The following CMTM4 variants were observed in gnomAD, a reference collection of about 807,000 sequenced individuals.
The protein encoded by CMTM4 is CKLF like MARVEL transmembrane domain containing 4, also known as CKLF-like MARVEL transmembrane domain-containing protein 4.
CMTM4 carries 8 observed loss-of-function variants against 19.0 expected under a neutral mutation model. The ratio of observed to expected loss-of-function variants is 0.42; its 90% CI spans 0.25 to 0.76. CMTM4 has a LOEUF of 0.76. CMTM4 is among the 30% of genes least tolerant of loss of function. CMTM4 has a pLI of 0.27. For missense variants in CMTM4, 228 were observed against 290.2 expected (o/e 0.79, Z 1.56); for synonymous variants, 106 against 121.1 (o/e 0.88, Z 0.82).
At chr16:66,695,349 G>C (rs575156470) in intron 1 of CMTM4, among the ~76,000 whole-genome samples, 1 of 140,040 alleles carries the variant, frequency 7.1e-6, no homozygotes, top group Non-Finnish European at 1.6e-5. Context: ...TCTCAAAAAA[G>C]AGAGAGAGAG....
intron 1 of CMTM4, among the ~76,000 whole-genome samples, chr16:66,680,737 G>T (rs1435440530): frequency 1.6e-5 from 2 of 124,228 alleles, no homozygotes; most frequent in Admixed American, 1.1e-4. Flanking sequence ...TCGTGCCACT[G>T]CACTCCAGCC....
At chr16:66,638,066 T>C (rs377118466) in intron 1 of CMTM4, among the ~76,000 whole-genome samples, 2 of 152,210 alleles carry the variant, frequency 1.3e-5, no homozygotes, top group Non-Finnish European at 2.9e-5. Flanking sequence ...CACTTGATGA[T>C]GCCGCCACCT....
intron 2 of CMTM4, 148 bp from the exon 3 acceptor site, chr16:66,623,650 C>A: frequency 1.8e-6 from 1 of 551,382 alleles, no homozygotes. Flanking sequence ...GGTTACTGGT[C>A]ACACAAAAGA....
At chr16:66,626,091 C>T (rs1479294734) in intron 2 of CMTM4, among the ~76,000 whole-genome samples, 1 of 152,192 alleles carries the variant, frequency 6.6e-6, no homozygotes. Flanking sequence ...AACTGCAAGA[C>T]CCTCTACAGG....
chr16:66,675,371 G>A (rs923804121), intron 1 of CMTM4, among the ~76,000 whole-genome samples: 8 of 149,964 alleles, frequency 5.3e-5, no homozygotes, highest in South Asian at 2.1e-4. Context: ...TGTGAGCCAC[G>A]CCCAGCCAAC....
At chr16:66,682,407 A>C (rs921920010) in intron 1 of CMTM4, among the ~76,000 whole-genome samples, 5 of 152,056 alleles carry the variant, frequency 3.3e-5, no homozygotes, top group African/African-American at 1.2e-4. Context: ...ACTGGCACAA[A>C]AATCTTTTAG....
chr16:66,676,511 G>T (rs549880156), intron 1 of CMTM4, among the ~76,000 whole-genome samples: 127 of 152,242 alleles, frequency 8.3e-4, no homozygotes, highest in African/African-American at 3.0e-3. Context: ...GTAGCTACAG[G>T]AAAGTCCCAA....
At chr16:66,625,540 T>C (rs1256046098) in intron 2 of CMTM4, among the ~76,000 whole-genome samples, 1 of 151,610 alleles carries the variant, frequency 6.6e-6, no homozygotes. Context: ...TTAACAGTAG[T>C]GAGTGAAGAA....
At chr16:66,656,428 A>G (rs952302137) in intron 1 of CMTM4, among the ~76,000 whole-genome samples, 2 of 152,036 alleles carry the variant, frequency 1.3e-5, no homozygotes, top group African/African-American at 4.8e-5. Context: ...CAGCGGCGTG[A>G]TCTTGGCTCA....
At chr16:66,677,346 C>A (rs2016826868) in intron 1 of CMTM4, among the ~76,000 whole-genome samples, 1 of 152,256 alleles carries the variant, frequency 6.6e-6, no homozygotes, top group Non-Finnish European at 1.5e-5. Context: ...GGCCCTGCCT[C>A]ACCCTGGCCC....
At chr16:66,644,564 A>G (rs1202339737) in intron 1 of CMTM4, among the ~76,000 whole-genome samples, 1 of 152,148 alleles carries the variant, frequency 6.6e-6, no homozygotes, top group Non-Finnish European at 1.5e-5. Context: ...AACAATATTC[A>G]CTATTGTACC....
intron 1 of CMTM4, among the ~76,000 whole-genome samples, chr16:66,692,906 CAA>C (rs200187109): frequency 9.6e-5 from 11 of 114,090 alleles, no homozygotes; most frequent in East Asian, 6.7e-4. Flanking sequence ...GACTCCATCT[CAA>C]AAAAAAAAAA....
chr16:66,604,531 G>A, the CMTM4 span: 1 of 278,194 alleles, frequency 3.6e-6, no homozygotes, highest in Non-Finnish European at 6.7e-6. Flanking sequence ...GGTCTCCAGC[G>A]GCCCGAACCA....
At chr16:66,652,066 TA>T (rs1436914374) in intron 1 of CMTM4, among the ~76,000 whole-genome samples, 1 of 151,574 alleles carries the variant, frequency 6.6e-6, no homozygotes, top group Non-Finnish European at 1.5e-5. Context: ...CCTCAGGAGC[TA>T]AAGCCACCTG....
intron 1 of CMTM4, among the ~76,000 whole-genome samples, chr16:66,641,015 C>T (rs973522442): frequency 2.6e-5 from 4 of 152,302 alleles, no homozygotes; most frequent in African/African-American, 7.2e-5. Context: ...ATTCCTGACA[C>T]ACAGAAATGA....
rs2015508419 is a variant in CMTM4, at chr16:66,615,464, CTG to C, written c.*6592_*6593del. 6.6e-6 allele frequency: 1 copy of C among 152,262 alleles called. No individual in the cohort carries two copies. The highest frequency in any genetic ancestry group is 2.1e-4 in the South Asian group (1 of 4,836). 9.4% of individuals were successfully genotyped at this position (152,262 alleles called of 1,614,324 possible). ...AAAGGAGCCGGTGAAGAGTACGTGT[CTG>C]TGTCTTGGTGTCATCTAGCTCCTCA... On this transcript the variant is annotated 3_prime_UTR_variant, in exon 4 of 4. Coordinates refer to ENST00000394106, the MANE Select transcript of CMTM4 (RefSeq NM_181521.3). The surrounding 1 kb of genome is among the most constrained non-coding windows in gnomAD (Gnocchi z 4.9).
chr16:66,685,959 G>A (rs2017023091), intron 1 of CMTM4, among the ~76,000 whole-genome samples: 1 of 151,912 alleles, frequency 6.6e-6, no homozygotes, highest in South Asian at 2.1e-4. Flanking sequence ...TTCTAATTAA[G>A]AACAAAGTTC....
chr16:66,600,136 G>GGGGT, the CMTM4 span, among the ~76,000 whole-genome samples: 2 of 135,154 alleles, frequency 1.5e-5, no homozygotes, highest in African/African-American at 5.8e-5. Context: ...GTGTGTGTGT[G>GGGGT]TTTTTTTTTG....
chr16:66,660,031 T>C (rs112866069), intron 1 of CMTM4, among the ~76,000 whole-genome samples: 62 of 152,212 alleles, frequency 4.1e-4, no homozygotes, highest in African/African-American at 1.3e-3. Context: ...AAAGAAGATA[T>C]ATAGATGGCA....
Sources: allele counts gnomAD v4.1 joint callset (sites outside exome capture counted in the v4.1 genomes callset), GRCh38; gene constraint gnomAD v4.1.1; non-coding constraint Gnocchi (gnomAD v3.1); transcripts MANE v1.5; gene names NCBI Gene and HGNC (gene_info 2026-07-23, HGNC 2026-07-21).